RHCE: variants seen among roughly 807,000 people sequenced by gnomAD.
RHCE encodes the protein Rh blood group CcEe antigens.
Under a neutral mutation model 43.8 loss-of-function variants are expected in RHCE, and 22 were observed. That is an observed-to-expected ratio of 0.50 (90% CI 0.36 to 0.72). The LOEUF (loss-of-function observed/expected upper bound fraction) is 0.72. Among genes scored for constraint, RHCE ranks in the 30% least tolerant of loss-of-function variants. RHCE has a pLI of 0.00. For missense variants in RHCE, 385 were observed against 525.4 expected, an observed-to-expected ratio of 0.73 and a Z score of 2.61; for synonymous variants, 156 against 210.7, an observed-to-expected ratio of 0.74 and a Z score of 2.25.
intron 1 of RHCE, among the ~76,000 whole-genome samples, chr1:25,417,964 T>G (rs1434995367): frequency 2.0e-5 from 3 of 152,238 alleles, no homozygotes; most frequent in African/African-American, 7.2e-5. Context: ...GACCTCAGAC[T>G]GAAGCCAAAC....
chr1:25,404,467 G>A (rs557964733), intron 2 of RHCE, among the ~76,000 whole-genome samples: 42 of 150,044 alleles, frequency 2.8e-4, no homozygotes, highest in African/African-American at 9.4e-4. Context: ...ACAGGGACCA[G>A]GAATTTAGAA....
rs754102926 is a variant in RHCE at position 25,392,022 on chromosome 1, T to C, written c.606A>G (p.Ala202=). ...PKGTEDNDQR[A]TIPSLSAMLG... ...GCATGGCAGACAAACTGGGTATCGT[T>C]GCTCTCTGATCATTATCCTCCGTTC... Residue 202 remains alanine (A), a synonymous_variant, in exon 4 of 10, where the codon GCA becomes GCG. Transcript: ENST00000294413. The C allele has an allele frequency of 6.2e-7, 1 of 1,614,062 alleles. No homozygotes were observed. The highest frequency in any genetic ancestry group is 1.3e-5 in the African/African-American group (1 of 74,918).
chr1:25,408,289 A>G (rs1646974686), intron 2 of RHCE, among the ~76,000 whole-genome samples: 1 of 121,126 alleles, frequency 8.3e-6, no homozygotes, highest in Non-Finnish European at 1.9e-5. Context: ...CTCCGTCTCA[A>G]AAAAGAAAAA....
upstream of RHCE, among the ~76,000 whole-genome samples, chr1:25,422,107 A>C (rs1335035036): frequency 6.6e-6 from 1 of 152,220 alleles, no homozygotes; most frequent in Non-Finnish European, 1.5e-5. Context: ...ACCAAGACCC[A>C]GAGAGGTCAT....
At chr1:25,402,839 G>T in intron 2 of RHCE, 93 bp from the exon 3 acceptor site, 1 of 1,550,036 alleles carries the variant, frequency 6.5e-7, no homozygotes, top group Non-Finnish European at 8.9e-7. Context: ...AACACTGTTG[G>T]GCACCTTACT....
intron 2 of RHCE, among the ~76,000 whole-genome samples, chr1:25,406,257 G>GCGT (rs1486136316): frequency 4.2e-5 from 4 of 94,912 alleles, no homozygotes; most frequent in African/African-American, 1.1e-4. Context: ...GTGCGTGTGT[G>GCGT]TGTGTGTGTG....
upstream of RHCE, among the ~76,000 whole-genome samples, chr1:25,425,614 T>G (rs2042799573): frequency 6.6e-6 from 1 of 152,242 alleles, no homozygotes; most frequent in Admixed American, 6.5e-5. Flanking sequence ...CCTGGCAGCC[T>G]GAGTTACGGA....
At chr1:25,412,258 G>A (rs988569276) in intron 1 of RHCE, among the ~76,000 whole-genome samples, 1 of 152,208 alleles carries the variant, frequency 6.6e-6, no homozygotes, top group Non-Finnish European at 1.5e-5. Context: ...TCTTAGGCAA[G>A]TCCATTACCC....
At chr1:25,376,413 A>G (rs1187219374) in intron 7 of RHCE, among the ~76,000 whole-genome samples, 4 of 152,236 alleles carry the variant, frequency 2.6e-5, no homozygotes, top group Non-Finnish European at 5.9e-5. Flanking sequence ...TTGTCTCAAC[A>G]GGTGGGCAGC....
chr1:25,416,223 A>G (rs1647412766), intron 1 of RHCE, among the ~76,000 whole-genome samples: 1 of 152,038 alleles, frequency 6.6e-6, no homozygotes, highest in Non-Finnish European at 1.5e-5. Flanking sequence ...TATATTCTTC[A>G]TGTTGCAACT....
At position 25,370,773 on chromosome 1, in the gene RHCE, G is replaced by A. The variant is rs895267565; in HGVS notation, c.1154-233C>T. Among the ~76,000 whole-genome samples the A allele has an allele frequency of 9.8e-4, 145 of 147,378 alleles. 2 individuals are homozygous for A. The highest frequency in any genetic ancestry group is 6.3e-4 in the Non-Finnish European group (42 of 66,894). On this transcript the variant is annotated intron_variant, in intron 8 of 9. Transcript: ENST00000294413. The stretch of plus-strand genomic sequence containing the variant: ...ATTTTATTTTATTTATTTTGAGACA[G>A]AGTCTCACTCTATCACCCAGGCTGG...
At chr1:25,415,910 C>G (rs1647376922) in intron 1 of RHCE, among the ~76,000 whole-genome samples, 1 of 151,948 alleles carries the variant, frequency 6.6e-6, no homozygotes, top group African/African-American at 2.4e-5. Flanking sequence ...TGCTGGGCCC[C>G]AGGCCCAGAG....
chr1:25,429,954 G>C (rs2042838221), exon 1 of RHCE: 1 of 152,122 alleles, frequency 6.6e-6, no homozygotes, highest in South Asian at 2.1e-4. Context: ...CACGGTGCCT[G>C]GCATAAAATC....
chr1:25,390,491 C>T (rs146108388), intron 5 of RHCE, among the ~76,000 whole-genome samples: 1 of 152,146 alleles, frequency 6.6e-6, no homozygotes, highest in East Asian at 1.9e-4. Flanking sequence ...GGTTCAAACT[C>T]AGGTCTGTTT....
chr1:25,380,797 AG>A (rs978574830), intron 7 of RHCE, among the ~76,000 whole-genome samples: 1 of 150,060 alleles, frequency 6.7e-6, no homozygotes, highest in African/African-American at 2.4e-5. Context: ...CAGTAATGGG[AG>A]GGGCAGTCTT....
intron 2 of RHCE, among the ~76,000 whole-genome samples, chr1:25,406,098 G>T (rs1259501564): frequency 8.1e-6 from 1 of 123,122 alleles, no homozygotes; most frequent in African/African-American, 2.5e-5. Flanking sequence ...AGCAGCCCTA[G>T]ACTGTGGGGC....
In RHCE at chr1:25,385,798, T is replaced by C. The variant is rs1053371; in HGVS notation, c.986A>G (p.His329Arg). The change falls in exon 7 of 10, where the codon CAC becomes CGC. Residue 329 changes from histidine to arginine, a missense_variant. By Grantham distance (29) the His-to-Arg change is conservative. This residue lies in a region of RHCE where 82 missense variants were observed against 69.2 expected (regional missense o/e 1.18). Transcript: ENST00000294413. ...CAGACCCAGCAAGCTGAAGATGGAG[T>C]GCATGACGGAGATGTGGTGAATCCC... ...VLGIHHISVM[H>R]SIFSLLGLLG... The C allele has an allele frequency of 1.2e-6, 2 of 1,613,626 alleles. No individual in the cohort carries two copies. The highest frequency in any genetic ancestry group is 1.3e-5 in the African/African-American group (1 of 74,848).
At chr1:25,401,145 C>A (rs905644985) in intron 3 of RHCE, among the ~76,000 whole-genome samples, 1 of 152,260 alleles carries the variant, frequency 6.6e-6, no homozygotes, top group Non-Finnish European at 1.5e-5. Flanking sequence ...ATCCAAAGTC[C>A]TTTGGGATAC....
At chr1:25,396,761 C>A (rs1375907988) in intron 3 of RHCE, among the ~76,000 whole-genome samples, 1 of 152,194 alleles carries the variant, frequency 6.6e-6, no homozygotes, top group African/African-American at 2.4e-5. Flanking sequence ...GCCCTCAACA[C>A]GTGGAGATTA....
Sources: gnomAD v4.1 joint callset for allele counts (sites outside exome capture counted in the v4.1 genomes callset) on GRCh38, gnomAD v4.1.1 for gene constraint, gnomAD v4.1.1 regional missense constraint, MANE v1.5 for transcripts, NCBI Gene and HGNC (gene_info 2026-07-23, HGNC 2026-07-21) for gene names.